Variants in SCFD2 observed in about 807,000 individuals in gnomAD.
SCFD2 encodes the protein sec1 family domain containing 2.
A neutral mutation model predicts 58.9 loss-of-function variants in SCFD2; 54 were observed. The ratio of observed to expected loss-of-function variants is 0.92; its 90% CI spans 0.74 to 1.15. SCFD2 has a LOEUF of 1.15. Ranked by LOEUF, SCFD2 falls within the 50% of genes most tolerant of loss-of-function variation. SCFD2 has a pLI of 0.00. For synonymous variants in SCFD2, 321 were observed against 335.9 expected, an observed-to-expected ratio of 0.96 and a Z score of 0.49; for missense variants, 805 against 836.6, an observed-to-expected ratio of 0.96 and a Z score of 0.47.
chr4:53,042,526 A>T (rs1722925332), intron 5 of SCFD2, among the ~76,000 whole-genome samples: 1 of 152,128 alleles, frequency 6.6e-6, no homozygotes, highest in South Asian at 2.1e-4. Flanking sequence ...ACTTCCTGGA[A>T]ATTGGAACTT....
chr4:53,281,160 G>A (rs1196121073), intron 3 of SCFD2, among the ~76,000 whole-genome samples: 9 of 152,204 alleles, frequency 5.9e-5, no homozygotes, highest in Non-Finnish European at 1.3e-4. Flanking sequence ...CTTCCAACAA[G>A]CTACTGTAAA....
chr4:53,250,076 C>T (rs1560411069), intron 4 of SCFD2, among the ~76,000 whole-genome samples: 1 of 152,112 alleles, frequency 6.6e-6, no homozygotes, highest in African/African-American at 2.4e-5. Flanking sequence ...CAGAGACACA[C>T]ATAGGCTCAA....
At chr4:53,167,345 A>G (rs1417522055) in intron 4 of SCFD2, among the ~76,000 whole-genome samples, 1 of 152,124 alleles carries the variant, frequency 6.6e-6, no homozygotes, top group Non-Finnish European at 1.5e-5. Context: ...CCAGACATGT[A>G]TTTTCTCATT....
intron 5 of SCFD2, among the ~76,000 whole-genome samples, chr4:53,061,038 T>A (rs1723494597): frequency 6.6e-6 from 1 of 152,140 alleles, no homozygotes; most frequent in African/African-American, 2.4e-5. Context: ...ACCAAGTAAT[T>A]TTCTATAAAT....
chr4:52,985,096 T>C (rs1481791892), intron 5 of SCFD2, among the ~76,000 whole-genome samples: 1 of 152,228 alleles, frequency 6.6e-6, no homozygotes, highest in Non-Finnish European at 1.5e-5. Flanking sequence ...CAGCTAAGCT[T>C]CAGACAATTT....
chr4:53,224,996 T>C (rs1040158291), intron 4 of SCFD2, among the ~76,000 whole-genome samples: 2 of 152,042 alleles, frequency 1.3e-5, no homozygotes, highest in African/African-American at 2.4e-5. Context: ...AATAACTTAA[T>C]TTTTAACAAC....
At position 53,257,675 on chromosome 4, in the gene SCFD2, C is replaced by T. The variant is rs182753133; in HGVS notation, c.1311+16151G>A. On this transcript the variant is annotated intron_variant, in intron 4 of 8. Coordinates refer to ENST00000401642, the MANE Select transcript of SCFD2 (RefSeq NM_152540.4). Reference sequence around the variant, plus strand: ...AAATAATGCTCCACAATTTTTCTTCCCAGGAAAAACCTTATCAAAATCTCT... The same window carrying T: ...AAATAATGCTCCACAATTTTTCTTCTCAGGAAAAACCTTATCAAAATCTCT... Among the ~76,000 whole-genome samples the T allele has an allele frequency of 1.2e-4, 18 of 152,096 alleles. No individual in the cohort carries two copies. The East Asian group carries it at 3.1e-3, about 26-fold the overall frequency.
intron 5 of SCFD2, among the ~76,000 whole-genome samples, chr4:53,097,524 AT>A (rs1724691118): frequency 6.6e-6 from 1 of 152,066 alleles, no homozygotes; most frequent in Admixed American, 6.6e-5. Context: ...TTTGACTGTT[AT>A]TGGTGTATAA....
chr4:53,044,124 GA>G (rs576795168), intron 5 of SCFD2, among the ~76,000 whole-genome samples: 69 of 152,230 alleles, frequency 4.5e-4, no homozygotes, highest in South Asian at 1.0e-3. Context: ...GCCAATAACA[GA>G]AGATGGTGAG....
intron 5 of SCFD2, among the ~76,000 whole-genome samples, chr4:53,051,694 C>A (rs553212875): frequency 1.3e-5 from 2 of 152,134 alleles, no homozygotes; most frequent in African/African-American, 2.4e-5. Flanking sequence ...TATAAAGTGG[C>A]GCTAACTGCA....
intron 4 of SCFD2, among the ~76,000 whole-genome samples, chr4:53,262,971 T>C (rs1327307689): frequency 6.6e-6 from 1 of 152,102 alleles, no homozygotes; most frequent in Admixed American, 6.6e-5. Flanking sequence ...TCTTTGTCTA[T>C]GATGGATTGG....
chr4:53,204,307 C>A (rs1290673644), intron 4 of SCFD2, among the ~76,000 whole-genome samples: 1 of 151,516 alleles, frequency 6.6e-6, no homozygotes, highest in Non-Finnish European at 1.5e-5. Flanking sequence ...AAAATCCATG[C>A]AGGGAAAAGG....
intron 4 of SCFD2, among the ~76,000 whole-genome samples, chr4:53,243,461 C>T (rs1577886801): frequency 6.6e-6 from 1 of 152,092 alleles, no homozygotes; most frequent in East Asian, 1.9e-4. Context: ...ACCTGCCTTA[C>T]AAGAATATCT....
At chr4:52,914,401 T>C (rs1487381079) in intron 6 of SCFD2, among the ~76,000 whole-genome samples, 1 of 152,200 alleles carries the variant, frequency 6.6e-6, no homozygotes, top group African/African-American at 2.4e-5. Context: ...GGGACTGGTG[T>C]ATTCATCCCA....
intron 4 of SCFD2, among the ~76,000 whole-genome samples, chr4:53,230,641 A>C (rs1363169050): frequency 2.9e-5 from 4 of 137,420 alleles, no homozygotes; most frequent in South Asian, 5.6e-4. Context: ...GGGAGGGGGA[A>C]GGATAGCATC....
intron 3 of SCFD2, among the ~76,000 whole-genome samples, chr4:53,306,604 C>G (rs1732521509): frequency 6.6e-6 from 1 of 152,176 alleles, no homozygotes; most frequent in Non-Finnish European, 1.5e-5. Context: ...TTCATTCAAA[C>G]TACAAGCACT....
intron 4 of SCFD2, among the ~76,000 whole-genome samples, chr4:53,224,518 A>G (rs1365931876): frequency 6.6e-6 from 1 of 152,178 alleles, no homozygotes; most frequent in Non-Finnish European, 1.5e-5. Flanking sequence ...ATGCGTAGGC[A>G]CTGCAGCTGA....
intron 2 of SCFD2, among the ~76,000 whole-genome samples, chr4:53,331,937 T>C (rs1417124262): frequency 2.0e-5 from 3 of 152,092 alleles, no homozygotes; most frequent in East Asian, 1.9e-4. Context: ...CCCACAGAAA[T>C]ACAAACTACC....
chr4:52,945,314 A>T (rs1454022516), intron 5 of SCFD2, among the ~76,000 whole-genome samples: 1 of 152,084 alleles, frequency 6.6e-6, no homozygotes, highest in Non-Finnish European at 1.5e-5. Flanking sequence ...ATTTAATTAT[A>T]TATTTAAATT....
Sources: gnomAD v4.1 joint callset for allele counts (sites outside exome capture counted in the v4.1 genomes callset) on GRCh38, gnomAD v4.1.1 for gene constraint, MANE v1.5 for transcripts, NCBI Gene and HGNC (gene_info 2026-07-23, HGNC 2026-07-21) for gene names.